FHIT: variants seen among roughly 807,000 people sequenced by gnomAD.
The protein encoded by FHIT is fragile histidine triad diadenosine triphosphatase, also known as bis(5'-adenosyl)-triphosphatase.
FHIT carries 19 observed loss-of-function variants against 17.9 expected under a neutral mutation model. The ratio of observed to expected loss-of-function variants is 1.06; its 90% CI spans 0.74 to 1.56. FHIT has a LOEUF of 1.56. Among genes scored for constraint, FHIT ranks in the 40% most tolerant of loss-of-function variants. The probability of loss-of-function intolerance (pLI) is 0.00; values close to 1 mark genes in which losing one functional copy is unlikely to be tolerated. For missense variants in FHIT, 248 were observed against 189.2 expected (o/e 1.31, Z -1.82); for synonymous variants, 81 against 69.7 (o/e 1.16, Z -0.81).
At chr3:60,283,048 C>T (rs1011141015) in intron 5 of FHIT, among the ~76,000 whole-genome samples, 2 of 152,108 alleles carry the variant, frequency 1.3e-5, no homozygotes, top group African/African-American at 4.8e-5. Context: ...CCCTCAGGAT[C>T]AAGTCATCCT....
intron 4 of FHIT, among the ~76,000 whole-genome samples, chr3:60,593,831 G>A (rs2038172233): frequency 6.6e-6 from 1 of 152,066 alleles, no homozygotes; most frequent in South Asian, 2.1e-4. Flanking sequence ...CCTGCCACAT[G>A]CTTGGTGGGT....
chr3:61,103,497 A>G lies in FHIT; in HGVS notation c.-163-61398T>C, dbSNP rs146909789. On this transcript the variant is annotated intron_variant, in intron 2 of 9. Coordinates refer to ENST00000492590, the MANE Select transcript of FHIT (RefSeq NM_002012.4). The stretch of plus-strand genomic sequence containing the variant: ...AACTTTGTGGTCAATTTTAGAATAC[A>G]TGCAATGTGGTGCTGAGAAGAATGT... 7.9e-3 allele frequency among the ~76,000 whole-genome samples: 1,197 copies of G among 152,124 alleles called. 17 individuals carry two copies. Among genetic ancestry groups the G allele is most frequent in the African/African-American group, 0.028 (1,145 of 41,556 alleles).
intron 2 of FHIT, among the ~76,000 whole-genome samples, chr3:61,057,180 AT>A (rs2034255124): frequency 6.6e-6 from 1 of 152,270 alleles, no homozygotes; most frequent in Admixed American, 6.5e-5. Flanking sequence ...TTAATGCAAT[AT>A]TCCTCATTTG....
At chr3:61,157,249 TA>T (rs2037558874) in intron 2 of FHIT, among the ~76,000 whole-genome samples, 1 of 152,156 alleles carries the variant, frequency 6.6e-6, no homozygotes, top group Non-Finnish European at 1.5e-5. Flanking sequence ...TCAAGTAGAT[TA>T]TTTTTTTCAT....
chr3:60,464,572 T>A (rs544394252), intron 5 of FHIT, among the ~76,000 whole-genome samples: 1 of 152,108 alleles, frequency 6.6e-6, no homozygotes, highest in Non-Finnish European at 1.5e-5. Flanking sequence ...CTCAGTTGTT[T>A]TAAATTTTTA....
intron 2 of FHIT, among the ~76,000 whole-genome samples, chr3:61,131,626 C>T (rs577626757): frequency 6.6e-6 from 1 of 152,312 alleles, no homozygotes; most frequent in South Asian, 2.1e-4. Context: ...CACTCTTGGC[C>T]CCAGGCCACT....
Position 60,006,039 on chromosome 3 carries a change from C to A in FHIT, c.279+5332G>T, listed in dbSNP as rs568974879. On this transcript the variant is annotated intron_variant, in intron 7 of 9. Transcript: ENST00000492590. Reference sequence around the variant, plus strand: ...GTCCTAGGCCCCACATCAGAACTACCGAGTCAGCAAAGCATGGGGCAGGCA... The same window carrying A: ...GTCCTAGGCCCCACATCAGAACTACAGAGTCAGCAAAGCATGGGGCAGGCA... Among the ~76,000 whole-genome samples the A allele has an allele frequency of 2.0e-5, 3 of 152,168 alleles. No homozygotes were observed. The East Asian group carries it at 5.8e-4, about 30-fold the overall frequency.
rs147291174 is a variant in FHIT at position 60,110,805 on chromosome 3, A to G, written c.104-96653T>C. Reference sequence around the variant, plus strand: ...AAGGAAGGGGTTTGACATAAAAACCACTCAAGATTTCTTCCCACTTTAGGA... The same window carrying G: ...AAGGAAGGGGTTTGACATAAAAACCGCTCAAGATTTCTTCCCACTTTAGGA... On this transcript the variant is annotated intron_variant, in intron 5 of 9. Coordinates refer to ENST00000492590, the MANE Select transcript of FHIT (RefSeq NM_002012.4). 2.0e-3 allele frequency among the ~76,000 whole-genome samples: 309 copies of G among 152,318 alleles called. 2 individuals carry two copies. The highest frequency in any genetic ancestry group is 7.3e-3 in the African/African-American group (302 of 41,586).
intron 5 of FHIT, among the ~76,000 whole-genome samples, chr3:60,501,024 A>T (rs2034504441): frequency 6.6e-6 from 1 of 151,950 alleles, no homozygotes; most frequent in Non-Finnish European, 1.5e-5. Context: ...TTTCCATCCC[A>T]ACCTAATAGC....
At chr3:59,758,487 C>G (rs545015709) in intron 8 of FHIT, among the ~76,000 whole-genome samples, 4 of 152,142 alleles carry the variant, frequency 2.6e-5, no homozygotes, top group African/African-American at 9.6e-5. Flanking sequence ...AAGCTGCAAA[C>G]AGCTTTGAAT....
At position 61,123,553 on chromosome 3, in the gene FHIT, A is replaced by G. The variant is rs1310755273; in HGVS notation, c.-164+77064T>C. Among the ~76,000 whole-genome samples, 4 of 84,326 alleles carry G rather than the reference A, an allele frequency of 4.7e-5. No individual in the cohort carries two copies. The East Asian group carries it at 9.7e-4, about 20-fold the overall frequency. The allele number at this position is 84,326 out of a possible 152,430, so 55.3% of individuals were successfully genotyped here. A position where few individuals can be genotyped will look rare whatever the true frequency, so the allele number is the denominator to read the frequency against. ...GTGGCATTTTTTCAAAAATTGTATT[A>G]AGTGATAAGATGTTAACATAAAAAT... On this transcript the variant is annotated intron_variant, in intron 2 of 9. Transcript: ENST00000492590.
At position 61,007,602 on chromosome 3, in the gene FHIT, A is replaced by G. The variant is rs77045413; in HGVS notation, c.-111+34445T>C. Among the ~76,000 whole-genome samples, 689 of 152,338 alleles carry G rather than the reference A, an allele frequency of 4.5e-3. 4 individuals carry two copies. The highest frequency in any genetic ancestry group is 0.016 in the African/African-American group (675 of 41,568). Reference sequence around the variant, plus strand: ...CACAAAATCAGGAGTCAATAGTTACAATGCTTTCTCACTCTGACACAAAAT... The same window carrying G: ...CACAAAATCAGGAGTCAATAGTTACGATGCTTTCTCACTCTGACACAAAAT... On this transcript the variant is annotated intron_variant, in intron 3 of 9. Coordinates refer to ENST00000492590, the MANE Select transcript of FHIT (RefSeq NM_002012.4).
intron 7 of FHIT, among the ~76,000 whole-genome samples, chr3:59,934,746 G>C (rs550638347): frequency 1.3e-3 from 193 of 152,200 alleles, no homozygotes; most frequent in African/African-American, 4.6e-3. Flanking sequence ...AGAAGAATGA[G>C]TGCCCAGTGA....
rs11369408 is a variant in FHIT, at chr3:60,026,317, GA to G, written c.104-12166del. Among the ~76,000 whole-genome samples the G allele has an allele frequency of 3.5e-3, 509 of 147,336 alleles. 2 individuals carry two copies. The highest frequency in any genetic ancestry group is 8.1e-3 in the African/African-American group (327 of 40,540). On this transcript the variant is annotated intron_variant, in intron 5 of 9. Transcript: ENST00000492590. ...AAAAGCTGAACGAATGGTTGGTTTA[GA>G]AAAAAAAAAAATAGTCAATGGAAAT...
chr3:60,594,778 T>C (rs1375254056), intron 4 of FHIT, among the ~76,000 whole-genome samples: 1 of 152,110 alleles, frequency 6.6e-6, no homozygotes, highest in Non-Finnish European at 1.5e-5. Flanking sequence ...CATATCTGGT[T>C]CTCCCTGGGG....
chr3:60,430,531 CT>C (rs1170009355), intron 5 of FHIT, among the ~76,000 whole-genome samples: 1 of 152,020 alleles, frequency 6.6e-6, no homozygotes, highest in Non-Finnish European at 1.5e-5. Flanking sequence ...CCATAAACTG[CT>C]TTCTTGCACT....
chr3:60,702,333 T>C (rs1283801645), intron 4 of FHIT, among the ~76,000 whole-genome samples: 1 of 152,164 alleles, frequency 6.6e-6, no homozygotes, highest in Non-Finnish European at 1.5e-5. Context: ...CCTGTTGCCA[T>C]TCTGATAAAT....
At chr3:60,608,041 T>C (rs1271155294) in intron 4 of FHIT, among the ~76,000 whole-genome samples, 1 of 152,160 alleles carries the variant, frequency 6.6e-6, no homozygotes, top group African/African-American at 2.4e-5. Context: ...ACTTCTCCCA[T>C]TCCAGAGAAG....
intron 5 of FHIT, among the ~76,000 whole-genome samples, chr3:60,041,809 T>G (rs1271137937): frequency 6.6e-6 from 1 of 152,266 alleles, no homozygotes; most frequent in South Asian, 2.1e-4. Context: ...GGGACAAAGG[T>G]CAAGAGAAGG....
Sources: gnomAD v4.1 joint callset for allele counts (sites outside exome capture counted in the v4.1 genomes callset) on GRCh38, gnomAD v4.1.1 for gene constraint, MANE v1.5 for transcripts, NCBI Gene and HGNC (gene_info 2026-07-23, HGNC 2026-07-21) for gene names.